ESCO1: variants seen among roughly 807,000 people sequenced by gnomAD.
ESCO1 encodes N-acetyltransferase ESCO1.
ESCO1 carries 33 observed loss-of-function variants against 83.5 expected under a neutral mutation model. The observed-to-expected ratio is 0.40, with a 90% CI of 0.30 to 0.53. The LOEUF (loss-of-function observed/expected upper bound fraction) is 0.53, where lower values mean the gene tolerates loss of function less well. ESCO1 is among the 20% of genes least tolerant of loss of function. ESCO1 has a pLI of 0.63. For missense variants in ESCO1, 855 were observed against 968.0 expected (o/e 0.88, Z 1.55); for synonymous variants, 332 against 324.3 (o/e 1.02, Z -0.25).
At chr18:21,550,118 C>CT (rs2038027139) in intron 8 of ESCO1, among the ~76,000 whole-genome samples, 2 of 152,122 alleles carry the variant, frequency 1.3e-5, no homozygotes, top group Admixed American at 1.3e-4. Context: ...CCAGCCCTTC[C>CT]TAAGTGAGCA....
chr18:21,587,078 G>A (rs2038592326), intron 1 of ESCO1, among the ~76,000 whole-genome samples: 1 of 152,042 alleles, frequency 6.6e-6, no homozygotes, highest in African/African-American at 2.4e-5. Context: ...TGCACTGCAG[G>A]GATAAATGCA....
chr18:21,574,694 T>G lies in ESCO1; in HGVS notation c.150A>C (p.Lys50Asn), dbSNP rs1438646227. The G allele has an allele frequency of 6.2e-7, 1 of 1,613,512 alleles. No homozygotes were observed. The highest frequency in any genetic ancestry group is 1.1e-5 in the South Asian group (1 of 91,070). Residue 50 changes from lysine (K) to asparagine (N), a missense_variant, in exon 4 of 12, where the codon AAA (lysine) becomes AAC (asparagine). By Grantham distance (94) the Lys-to-Asn change is moderately conservative. Transcript: ENST00000269214. ...GATTTATTTTACTTTCACTGGAAGA[T>G]TTAGCCTGTGATTTTATAGTCTCCT... ...GPKETIKSQA[K>N]SSSESKINQP...
At chr18:21,551,580 CACAG>C (rs2038048364) in intron 8 of ESCO1, among the ~76,000 whole-genome samples, 1 of 152,170 alleles carries the variant, frequency 6.6e-6, no homozygotes, top group African/African-American at 2.4e-5. Context: ...GCAAGCCTGC[CACAG>C]ACAGAGGACA....
At chr18:21,595,094 G>A (rs1477833970) in intron 1 of ESCO1, among the ~76,000 whole-genome samples, 3 of 151,814 alleles carry the variant, frequency 2.0e-5, no homozygotes, top group African/African-American at 7.3e-5. Flanking sequence ...CGATCCACCT[G>A]CCTCGGCCTC....
chr18:21,575,551 T>C, intron 3 of ESCO1, 121 bp from the exon 4 acceptor site: 1 of 398,226 alleles, frequency 2.5e-6, no homozygotes, highest in Non-Finnish European at 4.4e-6. Context: ...AAGTATCTAA[T>C]CAGTACACTT....
intron 1 of ESCO1, among the ~76,000 whole-genome samples, chr18:21,588,654 C>T (rs1388750760): frequency 1.3e-5 from 2 of 152,110 alleles, no homozygotes; most frequent in Admixed American, 1.3e-4. Flanking sequence ...TGGTGGCTCA[C>T]GCCTGTAATA....
intron 5 of ESCO1, 106 bp downstream of exon 5, chr18:21,567,874 G>T: frequency 1.3e-6 from 1 of 755,436 alleles, no homozygotes; most frequent in Non-Finnish European, 2.1e-6. Flanking sequence ...TACAGCAATG[G>T]TTAAAAAGAA....
chr18:21,590,646 C>T (rs552195381), intron 1 of ESCO1, among the ~76,000 whole-genome samples: 9 of 151,784 alleles, frequency 5.9e-5, no homozygotes, highest in Non-Finnish European at 1.3e-4. Context: ...AATTTAATTA[C>T]CCTTAATTGA....
chr18:21,564,005 C>T (rs1235290423), intron 7 of ESCO1, among the ~76,000 whole-genome samples, 198 bp downstream of exon 7: 1 of 152,054 alleles, frequency 6.6e-6, no homozygotes, highest in Admixed American at 6.6e-5. Context: ...CATGAGCTCA[C>T]TCCCTTTCTG....
At position 21,550,287 on chromosome 18, in the gene ESCO1, T is replaced by C. The variant is rs1475951306; in HGVS notation, c.1954-10278A>G. On this transcript the variant is annotated intron_variant, in intron 8 of 11. Transcript: ENST00000269214. ...CCAACAGTCATCAACTTTTTAGATA[T>C]TCAGTTATTATTTAGTTAACTGATC... Among the ~76,000 whole-genome samples, 3 of 152,346 alleles carry C rather than the reference T, an allele frequency of 2.0e-5. No homozygotes were observed. In the East Asian group the frequency reaches 5.8e-4, roughly 29 times the overall value.
At chr18:21,553,015 C>T (rs1289756734) in intron 8 of ESCO1, among the ~76,000 whole-genome samples, 1 of 152,190 alleles carries the variant, frequency 6.6e-6, no homozygotes, top group African/African-American at 2.4e-5. Flanking sequence ...GTTGGCCAGG[C>T]ATGGTGGCTC....
At chr18:21,554,130 C>T (rs2038082599) in intron 8 of ESCO1, among the ~76,000 whole-genome samples, 1 of 152,076 alleles carries the variant, frequency 6.6e-6, no homozygotes, top group Admixed American at 6.6e-5. Flanking sequence ...AAATCCAGAA[C>T]ACTGATAACA....
chr18:21,537,398 G>C (rs530735158), intron 9 of ESCO1, among the ~76,000 whole-genome samples: 13 of 152,132 alleles, frequency 8.5e-5, no homozygotes, highest in Admixed American at 2.0e-4. Flanking sequence ...AGCCAGATGT[G>C]GTGGCACTTG....
chr18:21,580,586 G>A (rs1176081907), intron 2 of ESCO1, among the ~76,000 whole-genome samples: 1 of 152,004 alleles, frequency 6.6e-6, no homozygotes, highest in African/African-American at 2.4e-5. Flanking sequence ...GAAAAGAGGA[G>A]GGAGTTTAGA....
Position 21,573,884 on chromosome 18 carries a change from C to A in ESCO1, c.960G>T (p.Glu320Asp), listed in dbSNP as rs368894331. The A allele has an allele frequency of 6.2e-7, 1 of 1,613,722 alleles. No homozygotes were observed. Among genetic ancestry groups the A allele is most frequent in the African/African-American group, 1.3e-5 (1 of 74,822 alleles). Residue 320 changes from glutamate (E) to aspartate (D), a missense_variant, in exon 4 of 12, where the codon GAG becomes GAT. Physicochemically the swap from Glu to Asp is conservative, Grantham distance 45. Coordinates refer to ENST00000269214, the MANE Select transcript of ESCO1 (RefSeq NM_052911.3). ...IAGEIESDNV[E>D]VKKESSQMES... ...CCATTTGTGAAGATTCCTTTTTTACCTCTACATTATCTGACTCAATTTCAC... is the reference window on the plus strand; with the variant it reads ...CCATTTGTGAAGATTCCTTTTTTACATCTACATTATCTGACTCAATTTCAC...
At chr18:21,568,914 A>T (rs1311478349) in intron 4 of ESCO1, among the ~76,000 whole-genome samples, 1 of 152,126 alleles carries the variant, frequency 6.6e-6, no homozygotes, top group Non-Finnish European at 1.5e-5. Flanking sequence ...AAAAAAAAAA[A>T]AAAGACAGGT....
In ESCO1 at chr18:21,575,125, GT is replaced by G. The variant is rs1029398338; in HGVS notation, c.-283del. On this transcript the variant is annotated 5_prime_UTR_variant, in exon 4 of 12. Transcript: ENST00000269214. The stretch of plus-strand genomic sequence containing the variant: ...GGAAAATTTTGATTATTTTTAATAA[GT>G]TTTTTTATCAAAAGAAATTTAATTC... The G allele has an allele frequency of 5.5e-6, 2 of 366,024 alleles. No individual in the cohort carries two copies. Among genetic ancestry groups the G allele is most frequent in the Non-Finnish European group, 9.6e-6 (2 of 207,482 alleles). 22.7% of individuals were successfully genotyped at this position (366,024 alleles called of 1,614,324 possible).
chr18:21,584,145 GCTTA>G (rs2038541407), intron 2 of ESCO1, among the ~76,000 whole-genome samples, 161 bp downstream of exon 2: 1 of 152,074 alleles, frequency 6.6e-6, no homozygotes, highest in African/African-American at 2.4e-5. Context: ...TAGGAGAAAA[GCTTA>G]CTTTTCACTA....
chr18:21,561,014 GT>G (rs745471550), intron 7 of ESCO1, 24 bp from the exon 8 acceptor site: 5 of 1,564,898 alleles, frequency 3.2e-6, no homozygotes, highest in East Asian at 2.3e-5. Flanking sequence ...ACACACAAAA[GT>G]TTTTTTCCTC....
Sources: allele counts gnomAD v4.1 joint callset (sites outside exome capture counted in the v4.1 genomes callset), GRCh38; gene constraint gnomAD v4.1.1; transcripts MANE v1.5; gene names NCBI Gene and HGNC (gene_info 2026-07-23, HGNC 2026-07-21).